The following ADGRB3 variants were observed in gnomAD, a reference collection of about 807,000 sequenced individuals.
ADGRB3 encodes the protein adhesion G protein-coupled receptor B3, also known as brain-specific angiogenesis inhibitor 3.
Under a neutral mutation model 193.4 loss-of-function variants are expected in ADGRB3, and 37 were observed. The ratio of observed to expected loss-of-function variants is 0.19; its 90% CI spans 0.15 to 0.25. The LOEUF is 0.25. ADGRB3 is among the 10% of genes least tolerant of loss of function. ADGRB3 has a pLI of 1.00. For missense variants in ADGRB3, 1,637 were observed against 1,852.9 expected (o/e 0.88, Z 2.14); for synonymous variants, 690 against 644.2 (o/e 1.07, Z -1.08).
chr6:68,761,671 G>A (rs186348818), intron 3 of ADGRB3, among the ~76,000 whole-genome samples: 3 of 151,474 alleles, frequency 2.0e-5, no homozygotes, highest in East Asian at 1.9e-4. Flanking sequence ...CTCATGCCCC[G>A]TTTCTTTAGA....
chr6:69,345,929 G>T (rs1176336250), intron 26 of ADGRB3, among the ~76,000 whole-genome samples: 2 of 152,126 alleles, frequency 1.3e-5, no homozygotes, highest in Admixed American at 1.3e-4. Context: ...AAATTAATGT[G>T]CAAAAATCAC....
At chr6:68,701,511 G>T (rs1008120470) in intron 3 of ADGRB3, among the ~76,000 whole-genome samples, 7 of 152,140 alleles carry the variant, frequency 4.6e-5, no homozygotes, top group African/African-American at 1.7e-4. Flanking sequence ...TCACCTTCTT[G>T]TGATGTATAT....
chr6:69,074,381 T>G (rs554504218), intron 16 of ADGRB3, among the ~76,000 whole-genome samples: 1 of 152,098 alleles, frequency 6.6e-6, no homozygotes, highest in African/African-American at 2.4e-5. Context: ...CAAAAGAGCT[T>G]CTCTGGACTT....
intron 30 of ADGRB3, among the ~76,000 whole-genome samples, chr6:69,375,660 C>T (rs1475339335): frequency 6.6e-6 from 1 of 152,030 alleles, no homozygotes; most frequent in Non-Finnish European, 1.5e-5. Flanking sequence ...GAGATTTGGG[C>T]TCTAAGAATT....
At chr6:68,713,340 C>G (rs73462002) in intron 3 of ADGRB3, among the ~76,000 whole-genome samples, 4,938 of 151,856 alleles carry the variant, frequency 0.033, 139 homozygotes, top group African/African-American at 0.073. Flanking sequence ...CATATCTGGA[C>G]GATTCCAACT....
chr6:68,645,359 A>C (rs1159238016), intron 3 of ADGRB3, among the ~76,000 whole-genome samples: 1 of 152,152 alleles, frequency 6.6e-6, no homozygotes, highest in East Asian at 1.9e-4. Context: ...AAAATTAATA[A>C]AATTAATGAC....
rs376477940 is a variant in ADGRB3, at chr6:69,275,377, A to G, written c.2814+36151A>G. 1.1e-4 allele frequency among the ~76,000 whole-genome samples: 17 copies of G among 152,276 alleles called. No individual in the cohort carries two copies. In the East Asian group the frequency reaches 1.5e-3, roughly 14 times the overall value. ...TGCATTAAAAAAACTAAAAAGAAAA[A>G]TAGGAAAGGAGGGAGGAAGAAATGT... On this transcript the variant is annotated intron_variant, in intron 20 of 31. Transcript: ENST00000370598.
At chr6:68,912,547 T>C (rs1766747366) in intron 3 of ADGRB3, among the ~76,000 whole-genome samples, 1 of 151,776 alleles carries the variant, frequency 6.6e-6, no homozygotes, top group Non-Finnish European at 1.5e-5. Context: ...GTCCCCAGAG[T>C]GTGATGCTCC....
intron 11 of ADGRB3, among the ~76,000 whole-genome samples, chr6:69,001,116 C>G (rs550670264): frequency 1.3e-5 from 2 of 152,026 alleles, no homozygotes; most frequent in Non-Finnish European, 2.9e-5. Flanking sequence ...TATGAATTTT[C>G]GAAAGAGGTC....
At chr6:69,247,056 T>C (rs1235578253) in intron 20 of ADGRB3, among the ~76,000 whole-genome samples, 1 of 152,190 alleles carries the variant, frequency 6.6e-6, no homozygotes, top group Admixed American at 6.6e-5. Context: ...TCATGATTTC[T>C]CACTTTGACC....
intron 3 of ADGRB3, among the ~76,000 whole-genome samples, chr6:68,682,934 C>A (rs756598166): frequency 6.6e-6 from 1 of 151,940 alleles, no homozygotes; most frequent in Admixed American, 6.6e-5. Context: ...CCTACCACCA[C>A]GCCTGACTAA....
chr6:69,217,896 G>A (rs73469311), intron 17 of ADGRB3, among the ~76,000 whole-genome samples: 1 of 148,948 alleles, frequency 6.7e-6, no homozygotes, highest in African/African-American at 2.5e-5. Context: ...AGACAGACAG[G>A]TATTCAGTTT....
chr6:69,091,292 T>C (rs1005165558), intron 17 of ADGRB3, among the ~76,000 whole-genome samples: 16 of 152,226 alleles, frequency 1.1e-4, no homozygotes, highest in African/African-American at 3.9e-4. Context: ...TTACTGGATA[T>C]ATACCCAAGG....
At chr6:69,267,403 T>C (rs1174948356) in intron 20 of ADGRB3, among the ~76,000 whole-genome samples, 1 of 152,008 alleles carries the variant, frequency 6.6e-6, no homozygotes, top group East Asian at 1.9e-4. Context: ...CTACCCGGAG[T>C]CCATTATTAA....
chr6:68,690,531 G>A lies in ADGRB3; in HGVS notation c.757+51099G>A, dbSNP rs535749108. ...TTTCTGTATATTTTAGATTTACAGA[G>A]AAACTAAGAAGATTAGTTTGCATTT... On this transcript the variant is annotated intron_variant, in intron 3 of 31. Coordinates refer to ENST00000370598, the MANE Select transcript of ADGRB3 (RefSeq NM_001704.3). Among the ~76,000 whole-genome samples the A allele has an allele frequency of 1.4e-4, 21 of 152,182 alleles. No individual in the cohort carries two copies. In the South Asian group the frequency reaches 4.4e-3, roughly 32 times the overall value.
At chr6:68,652,182 C>T (rs901413594) in intron 3 of ADGRB3, among the ~76,000 whole-genome samples, 1 of 152,086 alleles carries the variant, frequency 6.6e-6, no homozygotes, top group Non-Finnish European at 1.5e-5. Flanking sequence ...GTCCGATAAG[C>T]GTTCTCTGTC....
At chr6:68,717,509 T>C (rs1209561770) in intron 3 of ADGRB3, among the ~76,000 whole-genome samples, 2 of 151,642 alleles carry the variant, frequency 1.3e-5, no homozygotes, top group East Asian at 3.9e-4. Context: ...AGATTTTGTG[T>C]AGATAAGTGC....
intron 17 of ADGRB3, among the ~76,000 whole-genome samples, chr6:69,091,035 A>C (rs1772690363): frequency 6.6e-6 from 1 of 152,242 alleles, no homozygotes; most frequent in Non-Finnish European, 1.5e-5. Flanking sequence ...AATCATATGA[A>C]AAAAGGTTCA....
At chr6:69,038,743 A>G (rs1390040984) in intron 13 of ADGRB3, among the ~76,000 whole-genome samples, 1 of 152,206 alleles carries the variant, frequency 6.6e-6, no homozygotes, top group Admixed American at 6.5e-5. Flanking sequence ...CATTCAATAG[A>G]TAACAAAATA....
Sources: gnomAD v4.1 joint callset for allele counts (sites outside exome capture counted in the v4.1 genomes callset) on GRCh38, gnomAD v4.1.1 for gene constraint, MANE v1.5 for transcripts, NCBI Gene and HGNC (gene_info 2026-07-23, HGNC 2026-07-21) for gene names.